Variants in FAM120C observed in about 807,000 individuals in gnomAD.
The protein encoded by FAM120C is family with sequence similarity 120 member C.
In FAM120C, 14 loss-of-function variants were observed where a neutral mutation model predicts 71.2. That is an observed-to-expected ratio of 0.20 (90% CI 0.13 to 0.31). The LOEUF (loss-of-function observed/expected upper bound fraction) is 0.31. FAM120C is among the 10% of genes least tolerant of loss of function. The pLI is 1.00. For synonymous variants in FAM120C, 354 were observed against 353.2 expected, an observed-to-expected ratio of 1.00 and a Z score of -0.03; for missense variants, 500 against 879.0, an observed-to-expected ratio of 0.57 and a Z score of 5.45.
chrX:54,077,480 T>C (rs1557120789), intron 15 of FAM120C, among the ~76,000 whole-genome samples: 1 of 110,550 alleles, frequency 9.0e-6, no homozygotes, highest in African/African-American at 3.3e-5. Context: ...AAGAGTTTGA[T>C]ACCAGCCTGG....
chrX:54,170,423 G>A (rs1270324271), intron 1 of FAM120C, among the ~76,000 whole-genome samples: 6 of 111,581 alleles, frequency 5.4e-5, no homozygotes, highest in African/African-American at 6.5e-5. Flanking sequence ...GTGAGCTACC[G>A]TGCCCGGCCC....
rs1392564458 is a variant in FAM120C at position 54,072,728 on chromosome X, C to G, written c.*305G>C. 7 of 198,251 alleles carry G rather than the reference C, an allele frequency of 3.5e-5. No homozygotes were observed. Among genetic ancestry groups the G allele is most frequent in the Non-Finnish European group, 5.5e-5 (6 of 108,731 alleles). The allele number at this position is 198,251 out of a possible 1,213,427, so 16.3% of individuals were successfully genotyped here. On this transcript the variant is annotated 3_prime_UTR_variant, in exon 16 of 16. Coordinates refer to ENST00000375180, the MANE Select transcript of FAM120C (RefSeq NM_017848.6). ...TTATGTGATGATACCCAATTTCTGA[C>G]AGCTACTGCCTTACTAGGCTCCCAG...
chrX:54,110,759 T>C (rs1467117180), intron 10 of FAM120C, among the ~76,000 whole-genome samples: 2 of 110,213 alleles, frequency 1.8e-5, no homozygotes, highest in East Asian at 2.8e-4. Flanking sequence ...AAAAAAACTT[T>C]AAAAAATTAG....
At chrX:54,113,781 T>C (rs1337984538) in intron 10 of FAM120C, among the ~76,000 whole-genome samples, 1 of 107,163 alleles carries the variant, frequency 9.3e-6, no homozygotes, top group African/African-American at 3.4e-5. Flanking sequence ...CCGGGCGTGG[T>C]GGTGCATGCC....
At chrX:54,126,570 G>A (rs782072011) in intron 9 of FAM120C, among the ~76,000 whole-genome samples, 1 of 112,481 alleles carries the variant, frequency 8.9e-6, no homozygotes, top group Non-Finnish European at 1.9e-5. Context: ...TATGTTAGCT[G>A]TAGGTTCTTT....
chrX:54,140,489 G>C lies in FAM120C; in HGVS notation c.1159-3899C>G, dbSNP rs781912234. Among the ~76,000 whole-genome samples, 19 of 102,795 alleles carry C rather than the reference G, an allele frequency of 1.8e-4. No individual in the cohort carries two copies. In the Middle Eastern group the frequency reaches 0.028, roughly 153 times the overall value. The allele number at this position is 102,795 out of a possible 115,157, so 89.3% of individuals were successfully genotyped here. On this transcript the variant is annotated intron_variant, in intron 4 of 15. Coordinates refer to ENST00000375180, the MANE Select transcript of FAM120C (RefSeq NM_017848.6). Reference sequence around the variant, plus strand: ...CAAAAAAGTAGCCAGGCGTGGTGGCGGACACCTGTAATCCCAGCTACTCAG... The same window carrying C: ...CAAAAAAGTAGCCAGGCGTGGTGGCCGACACCTGTAATCCCAGCTACTCAG...
At chrX:54,091,065 C>T (rs904785275) in intron 11 of FAM120C, among the ~76,000 whole-genome samples, 7 of 112,233 alleles carry the variant, frequency 6.2e-5, no homozygotes, top group Non-Finnish European at 1.1e-4. Context: ...CTTGCCATGG[C>T]CTATGGGCCA....
chrX:54,161,100 T>C (rs1291398375), intron 1 of FAM120C, among the ~76,000 whole-genome samples: 1 of 111,875 alleles, frequency 8.9e-6, no homozygotes, highest in African/African-American at 3.3e-5. Context: ...TGTAACATAT[T>C]TATGCCTTAG....
chrX:54,165,011 G>C (rs2067253136), intron 1 of FAM120C, among the ~76,000 whole-genome samples: 1 of 111,532 alleles, frequency 9.0e-6, no homozygotes, highest in South Asian at 3.7e-4. Context: ...TGGAGGATTA[G>C]TGATGTTGAA....
intron 10 of FAM120C, among the ~76,000 whole-genome samples, chrX:54,114,141 G>C: frequency 9.0e-6 from 1 of 110,987 alleles, no homozygotes; most frequent in East Asian, 2.8e-4. Context: ...TGGAACTAGA[G>C]GCCATTATCT....
chrX:54,160,111 TTC>T (rs1446554402), intron 1 of FAM120C, among the ~76,000 whole-genome samples: 1 of 111,539 alleles, frequency 9.0e-6, no homozygotes, highest in Non-Finnish European at 1.9e-5. Flanking sequence ...CATTAGAGAC[TTC>T]TGTTAGATAA....
intron 4 of FAM120C, among the ~76,000 whole-genome samples, chrX:54,145,920 ATGACAGAC>A (rs2067152665): frequency 8.9e-6 from 1 of 112,492 alleles, no homozygotes; most frequent in South Asian, 3.7e-4. Context: ...ATGTCCATCA[ATGACAGAC>A]TGGATTAAGA....
intron 13 of FAM120C, among the ~76,000 whole-genome samples, chrX:54,083,476 CA>C (rs2066778274): frequency 9.6e-6 from 1 of 104,332 alleles, no homozygotes; most frequent in African/African-American, 3.8e-5. Context: ...CACACACACA[CA>C]CCAAAATATT....
At chrX:54,173,538 G>A (rs190837248) in intron 1 of FAM120C, among the ~76,000 whole-genome samples, 3 of 112,259 alleles carry the variant, frequency 2.7e-5, no homozygotes, top group East Asian at 5.6e-4. Flanking sequence ...GTGAGCCACC[G>A]CGCCCGGCTG....
At chrX:54,132,119 G>A (rs782039699) in intron 9 of FAM120C, among the ~76,000 whole-genome samples, 4 of 109,869 alleles carry the variant, frequency 3.6e-5, no homozygotes, top group Non-Finnish European at 7.6e-5. Context: ...ACAGTAACAC[G>A]ATCAGGGCTC....
chrX:54,151,277 C>T lies in FAM120C; in HGVS notation c.1126G>A (p.Val376Ile). Residue 376 changes from valine (V) to isoleucine (I), a missense_variant, in exon 4 of 16, where the codon GTA becomes ATA. This residue lies in a region of FAM120C where 55 missense variants were observed against 96.7 expected (regional missense o/e 0.57). Coordinates refer to ENST00000375180, the MANE Select transcript of FAM120C (RefSeq NM_017848.6). Reference protein sequence around the residue: ...SSIKDPSNLDVVGKDVFKQSQ... With the variant: ...SSIKDPSNLDIVGKDVFKQSQ... ...TGTTTGAAAACATCCTTCCCAACTA[C>T]ATCCAGGTTTGAGGGATCTTTGATG... 1 of 1,211,013 alleles carries T rather than the reference C, an allele frequency of 8.3e-7. No individual in the cohort carries two copies. The highest frequency in any genetic ancestry group is 1.1e-6 in the Non-Finnish European group (1 of 895,169).
chrX:54,159,952 A>T (rs1341520558), intron 1 of FAM120C, among the ~76,000 whole-genome samples: 1 of 109,478 alleles, frequency 9.1e-6, no homozygotes. Context: ...CCCACTCTAC[A>T]ATTTGATTAT....
rs2146546232 is a variant in FAM120C, at chrX:54,069,172, GGGGAATA to G, written c.*3854_*3860del. 9.0e-6 allele frequency: 1 copy of G among 111,601 alleles called. No individual in the cohort carries two copies. Among genetic ancestry groups the G allele is most frequent in the African/African-American group, 3.2e-5 (1 of 30,797 alleles). 9.2% of individuals were successfully genotyped at this position (111,601 alleles called of 1,213,427 possible). On this transcript the variant is annotated 3_prime_UTR_variant, in exon 16 of 16. Coordinates refer to ENST00000375180, the MANE Select transcript of FAM120C (RefSeq NM_017848.6). ...ATATTCAAGATAATTAGCAGTAACA[GGGGAATA>G]GGTGCACTGAGCTCTCTACCTGCAC... is the stretch of plus-strand genomic sequence containing the variant.
At chrX:54,078,120 T>G (rs1208052038) in intron 15 of FAM120C, among the ~76,000 whole-genome samples, 1 of 104,605 alleles carries the variant, frequency 9.6e-6, no homozygotes, top group Non-Finnish European at 2.0e-5. Flanking sequence ...ATTTTTTGTA[T>G]TTTTAGTAGA....
Sources: allele counts gnomAD v4.1 joint callset (sites outside exome capture counted in the v4.1 genomes callset), GRCh38; gene constraint gnomAD v4.1.1; regional missense constraint gnomAD v4.1.1; transcripts MANE v1.5; gene names NCBI Gene and HGNC (gene_info 2026-07-23, HGNC 2026-07-21).